DNAAF5: variants seen among roughly 807,000 people sequenced by gnomAD.
The protein encoded by DNAAF5 is dynein axonemal assembly factor 5, also known as HEAT repeat containing 2.
Under a neutral mutation model 75.8 loss-of-function variants are expected in DNAAF5, and 64 were observed. The observed-to-expected ratio is 0.84, with a 90% CI of 0.69 to 1.04. The LOEUF is 1.04. Among genes scored for constraint, DNAAF5 ranks in the 50% least tolerant of loss-of-function variants. DNAAF5 has a pLI of 0.00. For missense variants in DNAAF5, 1,269 were observed against 1,178.5 expected (o/e 1.08, Z -1.12); for synonymous variants, 657 against 557.2 (o/e 1.18, Z -2.52).
At chr7:759,017 A>C (rs1321969073) in intron 6 of DNAAF5, among the ~76,000 whole-genome samples, 1 of 152,108 alleles carries the variant, frequency 6.6e-6, no homozygotes, top group Non-Finnish European at 1.5e-5. Flanking sequence ...AATTTTTGGC[A>C]AGAAAGGGTG....
At chr7:760,821 A>C (rs1008359122) in intron 6 of DNAAF5, among the ~76,000 whole-genome samples, 2 of 152,258 alleles carry the variant, frequency 1.3e-5, no homozygotes, top group African/African-American at 4.8e-5. Flanking sequence ...CCGTAGGTGC[A>C]GAGCTGAGAC....
rs1045176859 is a variant in DNAAF5 at position 763,204 on chromosome 7, G to A, written c.1615-602G>A. On this transcript the variant is annotated intron_variant, in intron 7 of 12. Coordinates refer to ENST00000297440, the MANE Select transcript of DNAAF5 (RefSeq NM_017802.4). ...GCAGATGCTGTCACTGTTAGGGCCT[G>A]AGGTACCAGCAAAAGCAAAGTCTTT... Among the ~76,000 whole-genome samples the A allele has an allele frequency of 2.6e-5, 4 of 152,180 alleles. No homozygotes were observed. The East Asian group carries it at 5.8e-4, about 22-fold the overall frequency.
At chr7:782,131 GT>G (rs1361930921) in intron 12 of DNAAF5, among the ~76,000 whole-genome samples, 2 of 152,210 alleles carry the variant, frequency 1.3e-5, no homozygotes, top group Non-Finnish European at 2.9e-5. Flanking sequence ...GCCGCCTCCC[GT>G]CGCGCAGCGT....
rs1176552870 is a variant in DNAAF5 at position 754,009 on chromosome 7, TAGG to T, written c.1025-579_1025-577del. Among the ~76,000 whole-genome samples, 15 of 149,432 alleles carry T rather than the reference TAGG, an allele frequency of 1.0e-4. No homozygotes were observed. The highest frequency in any genetic ancestry group is 2.1e-4 in the South Asian group (1 of 4,664). On this transcript the variant is annotated intron_variant, in intron 4 of 12. Coordinates refer to ENST00000297440, the MANE Select transcript of DNAAF5 (RefSeq NM_017802.4). This position sits in a 1 kb window ranked among gnomAD's most constrained non-coding sequence, Gnocchi z 4.8. ...TCGCAGGCGTGTGTCTCTCTGATCATAGGGGGACGGCTTCGCAGGCGTGTCTCT... is the reference window on the plus strand; with the variant it reads ...TCGCAGGCGTGTGTCTCTCTGATCATGGGACGGCTTCGCAGGCGTGTCTCT...
chr7:772,095 C>CG (rs1778584220), intron 9 of DNAAF5: 2 of 152,334 alleles, frequency 1.3e-5, no homozygotes, highest in South Asian at 4.1e-4. Context: ...CAGCTGTGAG[C>CG]GCCGGCTGTA....
At chr7:772,446 G>A (rs959873167) in intron 9 of DNAAF5, 30 of 152,278 alleles carry the variant, frequency 2.0e-4, no homozygotes, top group African/African-American at 6.5e-4. Flanking sequence ...AAGCTCCAGA[G>A]AAGTGGCTGC....
rs1435813811 is a variant in DNAAF5 at position 780,043 on chromosome 7, C to G, written c.2330C>G (p.Ala777Gly). 1 of 1,614,070 alleles carries G rather than the reference C, an allele frequency of 6.2e-7. No individual in the cohort carries two copies. The highest frequency in any genetic ancestry group is 2.2e-5 in the East Asian group (1 of 44,908). Residue 777 changes from alanine to glycine, a missense_variant, in exon 12 of 13, where the codon GCC becomes GGC. Physicochemically the swap from Ala to Gly is moderately conservative, Grantham distance 60 (BLOSUM62 0). Transcript: ENST00000297440. ...LVTWLQCVKG[A>G]NAKSYYQSSV... Reference sequence around the variant, plus strand: ...ACCTGGCTGCAGTGTGTCAAGGGTGCCAACGCAAAATCCTACTATCAGAGC... The same window carrying G: ...ACCTGGCTGCAGTGTGTCAAGGGTGGCAACGCAAAATCCTACTATCAGAGC...
In DNAAF5 at chr7:763,894, A is replaced by G. The variant is rs1245160488; in HGVS notation, c.1703A>G (p.Glu568Gly). The change falls in exon 8 of 13, where the codon GAG becomes GGG. Residue 568 changes from glutamate (E) to glycine (G), a missense_variant. Glu to Gly is a moderately conservative substitution (Grantham distance 98). Transcript: ENST00000297440. ...LYRKHIGPLL[E>G]RVTASHLDWT... The stretch of plus-strand genomic sequence containing the variant: ...CGCAAGCACATTGGTCCCCTCCTGG[A>G]GCGGGTGACCGCGTCGCACCTTGAC... 1 of 1,612,946 alleles carries G rather than the reference A, an allele frequency of 6.2e-7. No individual in the cohort carries two copies. The highest frequency in any genetic ancestry group is 1.7e-5 in the Admixed American group (1 of 60,030).
At chr7:746,048 A>AT (rs1782092858) in intron 4 of DNAAF5, among the ~76,000 whole-genome samples, 1 of 152,182 alleles carries the variant, frequency 6.6e-6, no homozygotes, top group Non-Finnish European at 1.5e-5. Flanking sequence ...GATTTTTGGC[A>AT]TTTTCTCCTC....
intron 9 of DNAAF5, chr7:771,033 C>A (rs939049118): frequency 3.8e-5 from 6 of 159,848 alleles, no homozygotes; most frequent in African/African-American, 9.6e-5. Flanking sequence ...CATTAAAATT[C>A]CAGTGAATGA....
rs751493943 is a variant in DNAAF5 at position 757,039 on chromosome 7, C to T, written c.1470+45C>T. On this transcript the variant is annotated intron_variant, in intron 6 of 12. Transcript: ENST00000297440. ...GCGGGAGTGGAGAGGAGGAGCCTCC[C>T]CTGCCCGGCCGTCAGCCATCGTAAT... The T allele has an allele frequency of 3.2e-6, 5 of 1,539,522 alleles. No homozygotes were observed. The Admixed American group carries it at 7.4e-5, about 23-fold the overall frequency.
rs1422797552 is a variant in DNAAF5, at chr7:770,801, C to T, written c.1931+183C>T. On this transcript the variant is annotated intron_variant, in intron 9 of 12. Transcript: ENST00000297440. The stretch of plus-strand genomic sequence containing the variant: ...TCAAAGGTGGGCCGGGGGTCCCCAC[C>T]TCCCTCCCCCACGCCGAGTCTAAGG... 3 of 573,118 alleles carry T rather than the reference C, an allele frequency of 5.2e-6. No homozygotes were observed. The East Asian group carries it at 8.6e-5, about 16-fold the overall frequency. 35.5% of individuals were successfully genotyped at this position (573,118 alleles called of 1,614,324 possible). A position where few individuals can be genotyped will look rare whatever the true frequency, so the allele number is the denominator to read the frequency against.
intron 4 of DNAAF5, among the ~76,000 whole-genome samples, chr7:745,617 GCA>G (rs1290410750): frequency 9.2e-5 from 14 of 152,196 alleles, no homozygotes; most frequent in South Asian, 2.1e-4. Flanking sequence ...ACACACCTGT[GCA>G]CACACGTGTA....
In DNAAF5 at chr7:754,469, C is replaced by T; in HGVS notation, c.1025-120C>T. The T allele has an allele frequency of 1.2e-6, 1 of 849,078 alleles. No individual in the cohort carries two copies. The highest frequency in any genetic ancestry group is 2.0e-5 in the Admixed American group (1 of 50,560). The allele number at this position is 849,078 out of a possible 1,614,324, so 52.6% of individuals were successfully genotyped here. On this transcript the variant is annotated intron_variant, in intron 4 of 12. Coordinates refer to ENST00000297440, the MANE Select transcript of DNAAF5 (RefSeq NM_017802.4). The surrounding 1 kb of genome is among the most constrained non-coding windows in gnomAD (Gnocchi z 4.8). ...TGTCAGCTTTGCGTCCACCCCAAGA[C>T]TTGTTTTGAAATGGTGAGGTTGAAA...
At chr7:743,370 G>A (rs1468619582) in intron 4 of DNAAF5, among the ~76,000 whole-genome samples, 2 of 81,402 alleles carry the variant, frequency 2.5e-5, no homozygotes, top group South Asian at 6.7e-4. Context: ...GTGAGACCCC[G>A]TTTAAAACAA....
intron 10 of DNAAF5, 141 bp from the exon 11 acceptor site, chr7:774,865 A>G: frequency 1.4e-6 from 1 of 724,544 alleles, no homozygotes; most frequent in Non-Finnish European, 2.4e-6. Flanking sequence ...TCTAAATTTT[A>G]CAATGAAGAT....
intron 12 of DNAAF5, among the ~76,000 whole-genome samples, chr7:782,746 A>G (rs531929345): frequency 1.1e-4 from 11 of 101,470 alleles, no homozygotes; most frequent in East Asian, 3.4e-4. Flanking sequence ...CCCGTCACGC[A>G]GCGTCAGAAA....
intron 2 of DNAAF5, among the ~76,000 whole-genome samples, chr7:731,656 T>G (rs1781588343): frequency 6.6e-6 from 1 of 152,186 alleles, no homozygotes; most frequent in East Asian, 1.9e-4. Flanking sequence ...TAAACTTTCT[T>G]AAAATGTTAC....
At chr7:763,538 T>C (rs141021090) in intron 7 of DNAAF5, among the ~76,000 whole-genome samples, 39 of 152,338 alleles carry the variant, frequency 2.6e-4, no homozygotes, top group African/African-American at 8.4e-4. Flanking sequence ...ACCTGTGCTG[T>C]GTGCATCCCA....
Sources: gnomAD v4.1 joint callset for allele counts (sites outside exome capture counted in the v4.1 genomes callset) on GRCh38, gnomAD v4.1.1 for gene constraint, Gnocchi (gnomAD v3.1) non-coding constraint, MANE v1.5 for transcripts, NCBI Gene and HGNC (gene_info 2026-07-23, HGNC 2026-07-21) for gene names.